The following NINL variants were observed in gnomAD, a reference collection of about 807,000 sequenced individuals.
NINL encodes the protein ninein like, also known as ninein-like protein.
NINL carries 153 observed loss-of-function variants against 160.3 expected under a neutral mutation model. That is an observed-to-expected ratio of 0.95 (90% CI 0.84 to 1.09). The LOEUF (loss-of-function observed/expected upper bound fraction) is 1.09. Among genes scored for constraint, NINL ranks in the 50% least tolerant of loss-of-function variants. The pLI, the probability that NINL is intolerant of heterozygous loss-of-function variation, is 0.00. For synonymous variants in NINL, 800 were observed against 734.8 expected, an observed-to-expected ratio of 1.09 and a Z score of -1.43; for missense variants, 1,829 against 1,764.0, an observed-to-expected ratio of 1.04 and a Z score of -0.66.
chr20:25,579,485 C>T (rs1479252893), intron 1 of NINL, among the ~76,000 whole-genome samples: 3 of 152,230 alleles, frequency 2.0e-5, no homozygotes, highest in Non-Finnish European at 4.4e-5. Context: ...GGACTGGGCA[C>T]AGGTGACACG....
intron 1 of NINL, among the ~76,000 whole-genome samples, chr20:25,531,433 G>T (rs1196179396): frequency 6.6e-6 from 1 of 152,076 alleles, no homozygotes; most frequent in Admixed American, 6.5e-5. Context: ...GGTATTGACT[G>T]GGGAAGTGAT....
chr20:25,507,905 C>T (rs568339167), intron 5 of NINL, among the ~76,000 whole-genome samples: 6 of 152,302 alleles, frequency 3.9e-5, no homozygotes, highest in South Asian at 4.1e-4. Context: ...GAGCTTGACA[C>T]GAGTGTGTGT....
At chr20:25,453,699 C>G in intron 23 of NINL, 57 bp from the exon 24 acceptor site, 2 of 1,471,484 alleles carry the variant, frequency 1.4e-6, no homozygotes, top group Non-Finnish European at 1.8e-6. Flanking sequence ...CGCTACAGAT[C>G]AGCCTGCTCT....
rs764563936 is a variant in NINL at position 25,498,284 on chromosome 20, G to A, written c.1095C>T (p.Asn365=). ...NLLELTWALD[N]ELMTVDSAVQ... ...CGGCACTGTCCACTGTCATGAGCTC[G>A]TTGTCAAGGGCCCAGGTCAGCTCCA... Residue 365 remains asparagine, a synonymous_variant, in exon 9 of 24, where the codon AAC becomes AAT. Coordinates refer to ENST00000278886, the MANE Select transcript of NINL (RefSeq NM_025176.6). The A allele has an allele frequency of 1.5e-5, 25 of 1,613,324 alleles. No individual in the cohort carries two copies. The highest frequency in any genetic ancestry group is 1.2e-4 in the South Asian group (11 of 91,046).
In NINL at chr20:25,476,442, G is replaced by T; in HGVS notation, c.2849C>A (p.Ala950Asp). ...CCACATCCGTGGCTGGGTTTGCGAG[G>T]CGTCTCTCTCTGTTCCCAGCAGAGG... The part of the protein sequence containing the change: ...ELPLLGTERD[A>D]SQTQPRMWEP... The change falls in exon 17 of 24, where the codon GCC becomes GAC. Residue 950 changes from alanine to aspartate, a missense_variant. Coordinates refer to ENST00000278886, the MANE Select transcript of NINL (RefSeq NM_025176.6). 6.2e-7 allele frequency: 1 copy of T among 1,608,870 alleles called. No individual in the cohort carries two copies.
At chr20:25,550,174 A>G (rs1175325847) in intron 1 of NINL, among the ~76,000 whole-genome samples, 1 of 152,212 alleles carries the variant, frequency 6.6e-6, no homozygotes, top group Non-Finnish European at 1.5e-5. Context: ...TGAGGCCAGG[A>G]GTTCGGGAAC....
intron 1 of NINL, among the ~76,000 whole-genome samples, chr20:25,551,248 T>C (rs1465790241): frequency 6.6e-6 from 1 of 152,186 alleles, no homozygotes; most frequent in Non-Finnish European, 1.5e-5. Flanking sequence ...GAATTTTTCT[T>C]AGTACAGAAC....
chr20:25,561,717 C>T (rs1452303114), intron 1 of NINL, among the ~76,000 whole-genome samples: 2 of 151,418 alleles, frequency 1.3e-5, no homozygotes, highest in African/African-American at 2.4e-5. Flanking sequence ...CGCCTCGGCC[C>T]GGCCGCGACC....
intron 4 of NINL, among the ~76,000 whole-genome samples, chr20:25,512,141 C>A (rs1380795333): frequency 6.6e-6 from 1 of 152,148 alleles, no homozygotes; most frequent in African/African-American, 2.4e-5. Context: ...AGCAAATGAC[C>A]CAGGGAGCCT....
intron 1 of NINL, among the ~76,000 whole-genome samples, chr20:25,527,273 C>T (rs2064377428): frequency 6.6e-6 from 1 of 151,968 alleles, no homozygotes; most frequent in Admixed American, 6.6e-5. Context: ...CCTGCCACAG[C>T]CTCACAAGTA....
chr20:25,503,798 G>A (rs947609405), intron 7 of NINL, among the ~76,000 whole-genome samples, 154 bp downstream of exon 7: 16 of 152,176 alleles, frequency 1.1e-4, no homozygotes, highest in African/African-American at 3.4e-4. Context: ...TCTACGTCAC[G>A]TGGCCTCCCA....
intron 1 of NINL, among the ~76,000 whole-genome samples, chr20:25,564,294 C>G (rs1002330234): frequency 6.6e-6 from 1 of 151,924 alleles, no homozygotes; most frequent in African/African-American, 2.4e-5. Flanking sequence ...AGATTACAGG[C>G]CTACTCTACC....
intron 10 of NINL, 32 bp downstream of exon 10, chr20:25,496,631 G>A: frequency 6.2e-7 from 1 of 1,611,236 alleles, no homozygotes; most frequent in Non-Finnish European, 8.5e-7. Flanking sequence ...GGAGGCCCAG[G>A]TAAGAATCCA....
rs558297236 is a variant in NINL, at chr20:25,544,319, A to G, written c.-11-17721T>C. Among the ~76,000 whole-genome samples the G allele has an allele frequency of 2.6e-5, 4 of 152,298 alleles. No homozygotes were observed. In the East Asian group the frequency reaches 7.7e-4, roughly 29 times the overall value. On this transcript the variant is annotated intron_variant, in intron 1 of 23. Transcript: ENST00000278886. ...GACTGATGGGCCCACAGAACCATCT[A>G]TCTTTAGACCAAAGACAATGAAGGA... is the stretch of plus-strand genomic sequence containing the variant.
intron 1 of NINL, among the ~76,000 whole-genome samples, chr20:25,546,132 C>A (rs559936847): frequency 7.9e-5 from 12 of 152,270 alleles, no homozygotes; most frequent in Non-Finnish European, 1.6e-4. Flanking sequence ...CTTATCAAGG[C>A]TTCCTGGGTT....
chr20:25,546,939 C>T (rs534168694), intron 1 of NINL, among the ~76,000 whole-genome samples: 2 of 152,154 alleles, frequency 1.3e-5, no homozygotes, highest in Non-Finnish European at 1.5e-5. Flanking sequence ...GGCCTCTCCT[C>T]AGCTTGCAGA....
intron 1 of NINL, among the ~76,000 whole-genome samples, chr20:25,581,239 T>A (rs529740852): frequency 6.6e-6 from 1 of 152,196 alleles, no homozygotes; most frequent in South Asian, 2.1e-4. Flanking sequence ...AGGTCAGGAG[T>A]TTGAGACCAG....
chr20:25,553,663 G>T (rs1436518140), intron 1 of NINL, among the ~76,000 whole-genome samples: 1 of 152,178 alleles, frequency 6.6e-6, no homozygotes, highest in Non-Finnish European at 1.5e-5. Flanking sequence ...AGACTTGCAC[G>T]CCATTATGTG....
intron 17 of NINL, among the ~76,000 whole-genome samples, chr20:25,471,433 A>C (rs1348007716): frequency 3.3e-5 from 5 of 152,214 alleles, no homozygotes; most frequent in African/African-American, 1.2e-4. Flanking sequence ...CTGTGTTTTT[A>C]AACTATCACT....
Sources: allele counts gnomAD v4.1 joint callset (sites outside exome capture counted in the v4.1 genomes callset), GRCh38; gene constraint gnomAD v4.1.1; transcripts MANE v1.5; gene names NCBI Gene and HGNC (gene_info 2026-07-23, HGNC 2026-07-21).